The following AFF3 variants were observed in gnomAD, a reference collection of about 807,000 sequenced individuals.
AFF3 encodes the protein AF4/FMR2 family member 3.
Under a neutral mutation model 129.7 loss-of-function variants are expected in AFF3, and 32 were observed. The observed-to-expected ratio is 0.25, with a 90% confidence interval of 0.19 to 0.33. The LOEUF (loss-of-function observed/expected upper bound fraction) is 0.33. Ranked by LOEUF, AFF3 falls within the 10% of genes least tolerant of loss-of-function variation. The pLI is 1.00. For synonymous variants in AFF3, 644 were observed against 635.4 expected, an observed-to-expected ratio of 1.01 and a Z score of -0.20; for missense variants, 1,373 against 1,592.0, an observed-to-expected ratio of 0.86 and a Z score of 2.34.
chr2:100,032,875 T>C (rs1323331752), intron 4 of AFF3, among the ~76,000 whole-genome samples: 3 of 152,136 alleles, frequency 2.0e-5, no homozygotes, highest in Non-Finnish European at 4.4e-5. Flanking sequence ...ATAAGAAAAA[T>C]TATTTATTAT....
chr2:100,048,899 T>C (rs186207073), intron 4 of AFF3, among the ~76,000 whole-genome samples: 1 of 152,292 alleles, frequency 6.6e-6, no homozygotes, highest in East Asian at 1.9e-4. Context: ...CTCACAAATT[T>C]AAAAATCCCA....
intron 7 of AFF3, among the ~76,000 whole-genome samples, chr2:99,904,044 T>G (rs925303287): frequency 6.6e-6 from 1 of 152,178 alleles, no homozygotes; most frequent in African/African-American, 2.4e-5. Flanking sequence ...AACTCTTCTC[T>G]TTTCTTCCTC....
At chr2:99,918,518 C>A (rs1344797010) in intron 7 of AFF3, among the ~76,000 whole-genome samples, 1 of 152,188 alleles carries the variant, frequency 6.6e-6, no homozygotes, top group African/African-American at 2.4e-5. Context: ...AATGTCTGTT[C>A]TCCCGACAGT....
At chr2:100,138,413 G>A (rs1174623495) in intron 1 of AFF3, among the ~76,000 whole-genome samples, 2 of 152,124 alleles carry the variant, frequency 1.3e-5, no homozygotes, top group South Asian at 2.1e-4. Flanking sequence ...GGTTCTTAAC[G>A]GTGTTCTTAC....
chr2:100,107,416 A>C, intron 2 of AFF3: 1 of 985,340 alleles, frequency 1.0e-6, no homozygotes. Flanking sequence ...AAGGGTTTGG[A>C]CTTTTGGGGA....
chr2:99,888,215 A>G (rs990804254), intron 7 of AFF3, among the ~76,000 whole-genome samples: 1 of 152,252 alleles, frequency 6.6e-6, no homozygotes, highest in African/African-American at 2.4e-5. Context: ...ACTTCACTGT[A>G]ATATGAGAAC....
intron 7 of AFF3, among the ~76,000 whole-genome samples, chr2:99,896,669 T>C (rs1476160179): frequency 8.5e-6 from 1 of 117,148 alleles, no homozygotes; most frequent in African/African-American, 3.4e-5. Context: ...GGAGTCTCAC[T>C]CTGTCACCCA....
intron 8 of AFF3, among the ~76,000 whole-genome samples, chr2:99,806,851 G>C (rs1165073768): frequency 2.0e-5 from 3 of 152,160 alleles, no homozygotes; most frequent in African/African-American, 7.2e-5. Flanking sequence ...AGAATCCACA[G>C]TAAAATACAT....
intron 13 of AFF3, among the ~76,000 whole-genome samples, chr2:99,615,623 G>C (rs1386965033): frequency 1.3e-5 from 2 of 152,238 alleles, no homozygotes; most frequent in Admixed American, 6.5e-5. Context: ...AGCTGAAAGC[G>C]TGGATGGAGT....
At chr2:100,068,403 T>C (rs969919168) in intron 4 of AFF3, among the ~76,000 whole-genome samples, 1 of 152,192 alleles carries the variant, frequency 6.6e-6, no homozygotes, top group Non-Finnish European at 1.5e-5. Context: ...GTGGTTGATA[T>C]CACAGCTGTT....
intron 12 of AFF3, among the ~76,000 whole-genome samples, chr2:99,661,643 T>C (rs542081421): frequency 3.2e-4 from 49 of 152,368 alleles, no homozygotes; most frequent in South Asian, 1.0e-3. Flanking sequence ...AACAGCGTTA[T>C]GAGTCTCTGT....
chr2:100,053,248 T>G (rs1686497430), intron 4 of AFF3, among the ~76,000 whole-genome samples: 1 of 152,254 alleles, frequency 6.6e-6, no homozygotes, highest in African/African-American at 2.4e-5. Flanking sequence ...TGTCAGCGTG[T>G]TAGCCACTGT....
rs575440695 is a variant in AFF3, at chr2:100,060,778, A to G, written c.53+43624T>C. Among the ~76,000 whole-genome samples the G allele has an allele frequency of 2.0e-5, 3 of 152,230 alleles. No homozygotes were observed. In the East Asian group the frequency reaches 5.8e-4, roughly 29 times the overall value. On this transcript the variant is annotated intron_variant, in intron 4 of 24. Transcript: ENST00000672756. ...CATCTGTCACAATGAGGGAGGCAACACTGGTATGATACTATTGACTACACG... is the reference window on the plus strand; with the variant it reads ...CATCTGTCACAATGAGGGAGGCAACGCTGGTATGATACTATTGACTACACG...
intron 11 of AFF3, among the ~76,000 whole-genome samples, chr2:99,725,958 A>T (rs1008755272): frequency 3.3e-5 from 5 of 152,212 alleles, no homozygotes; most frequent in African/African-American, 1.2e-4. Flanking sequence ...ATTTTCAATG[A>T]TTCTACCCTT....
At chr2:99,571,190 T>C (rs925283126) in intron 18 of AFF3, among the ~76,000 whole-genome samples, 4 of 152,168 alleles carry the variant, frequency 2.6e-5, no homozygotes, top group Non-Finnish European at 5.9e-5. Context: ...TGCCTTCCGA[T>C]GGGGTGCAGC....
At chr2:99,713,176 T>C (rs774948151) in intron 11 of AFF3, among the ~76,000 whole-genome samples, 7 of 152,084 alleles carry the variant, frequency 4.6e-5, no homozygotes, top group Admixed American at 2.0e-4. Flanking sequence ...CCGCTCAACA[T>C]GTAAATGTAT....
chr2:99,856,686 A>G (rs1306773510), intron 7 of AFF3, among the ~76,000 whole-genome samples: 1 of 152,124 alleles, frequency 6.6e-6, no homozygotes, highest in Non-Finnish European at 1.5e-5. Context: ...CTTACAAAAA[A>G]CCTTCTGGCG....
intron 7 of AFF3, among the ~76,000 whole-genome samples, chr2:99,970,059 TG>T (rs1678206985): frequency 6.6e-6 from 1 of 152,168 alleles, no homozygotes; most frequent in Admixed American, 6.5e-5. Context: ...AGCAGACGAA[TG>T]GTGATCTGCT....
At chr2:100,111,312 G>A (rs1691504066) in intron 2 of AFF3, among the ~76,000 whole-genome samples, 1 of 152,234 alleles carries the variant, frequency 6.6e-6, no homozygotes, top group African/African-American at 2.4e-5. Context: ...CCCAATGGGG[G>A]CAGCACTGCC....
Sources: gnomAD v4.1 joint callset for allele counts (sites outside exome capture counted in the v4.1 genomes callset) on GRCh38, gnomAD v4.1.1 for gene constraint, MANE v1.5 for transcripts, NCBI Gene and HGNC (gene_info 2026-07-23, HGNC 2026-07-21) for gene names.